COL5A1: variants seen among roughly 807,000 people sequenced by gnomAD.
COL5A1 encodes the protein collagen alpha-1(V) chain.
COL5A1 carries 16 observed loss-of-function variants against 263.7 expected under a neutral mutation model. The ratio of observed to expected loss-of-function variants is 0.06; its 90% CI spans 0.04 to 0.09. COL5A1 has a LOEUF of 0.09. Among genes scored for constraint, COL5A1 ranks in the 10% least tolerant of loss-of-function variants. COL5A1 has a pLI of 1.00. For missense variants in COL5A1, 2,036 were observed against 2,540.5 expected, an observed-to-expected ratio of 0.80 and a Z score of 4.27; for synonymous variants, 1,012 against 1,004.5, an observed-to-expected ratio of 1.01 and a Z score of -0.14.
At chr9:134,688,160 A>C (rs1291325053) in intron 1 of COL5A1, among the ~76,000 whole-genome samples, 1 of 152,202 alleles carries the variant, frequency 6.6e-6, no homozygotes, top group Non-Finnish European at 1.5e-5. Context: ...GTGGCCTCTT[A>C]AACTTGTTGC....
At chr9:134,759,081 G>A (rs1263320416) in intron 18 of COL5A1, among the ~76,000 whole-genome samples, 3 of 152,158 alleles carry the variant, frequency 2.0e-5, no homozygotes. Flanking sequence ...TGACATGAGG[G>A]CTCTTCACAG....
At chr9:134,840,080 C>A (rs1839973930) in intron 65 of COL5A1, among the ~76,000 whole-genome samples, 2 of 152,386 alleles carry the variant, frequency 1.3e-5, no homozygotes, top group South Asian at 4.1e-4. Flanking sequence ...CATGACCACG[C>A]CTATCAGAAT....
chr9:134,760,953 G>A (rs547412194), intron 18 of COL5A1, among the ~76,000 whole-genome samples: 8 of 127,460 alleles, frequency 6.3e-5, no homozygotes, highest in South Asian at 5.2e-4. Context: ...ATACACACCC[G>A]CCACACACAT....
intron 28 of COL5A1, among the ~76,000 whole-genome samples, chr9:134,781,371 C>A (rs550786074): frequency 6.6e-6 from 1 of 152,248 alleles, no homozygotes; most frequent in African/African-American, 2.4e-5. Context: ...TTTGGCCTCT[C>A]CAAGAGCACT....
At chr9:134,795,776 C>T (rs1588559130) in intron 34 of COL5A1, among the ~76,000 whole-genome samples, 1 of 152,252 alleles carries the variant, frequency 6.6e-6, no homozygotes, top group Admixed American at 6.5e-5. Flanking sequence ...GAAGCCACTC[C>T]TTGGGTGGAG....
chr9:134,790,828 G>A (rs918548124), intron 32 of COL5A1, among the ~76,000 whole-genome samples: 4 of 151,912 alleles, frequency 2.6e-5, no homozygotes, highest in South Asian at 2.1e-4. Context: ...GAGGTACCCC[G>A]GTGGGCTGCT....
At chr9:134,691,112 G>A in intron 2 of COL5A1, 33 bp downstream of exon 2, 5 of 1,610,538 alleles carry the variant, frequency 3.1e-6, no homozygotes, top group Non-Finnish European at 4.2e-6. Flanking sequence ...TGGGGCGGTG[G>A]GTCCCGTTGG....
chr9:134,648,210 C>T (rs1291291010), intron 1 of COL5A1, among the ~76,000 whole-genome samples: 1 of 151,766 alleles, frequency 6.6e-6, no homozygotes, highest in Non-Finnish European at 1.5e-5. Flanking sequence ...CTCGGACTTG[C>T]TCTCCTTGCT....
intron 24 of COL5A1, 79 bp downstream of exon 24, chr9:134,767,433 G>C (rs1220958013): frequency 1.3e-5 from 17 of 1,331,988 alleles, no homozygotes; most frequent in Non-Finnish European, 1.7e-5. Context: ...GAGGACCCCT[G>C]GTATCCACCA....
chr9:134,711,193 C>T (rs1304000612), intron 4 of COL5A1, among the ~76,000 whole-genome samples: 1 of 152,096 alleles, frequency 6.6e-6, no homozygotes, highest in African/African-American at 2.4e-5. Context: ...CCTGCAGAGT[C>T]AGCTCGGAGG....
At chr9:134,658,188 G>A (rs1313050259) in intron 1 of COL5A1, among the ~76,000 whole-genome samples, 3 of 152,032 alleles carry the variant, frequency 2.0e-5, no homozygotes, top group African/African-American at 7.3e-5. Flanking sequence ...GAGGACCAAT[G>A]TTCACCCTAC....
At chr9:134,816,137 C>T in intron 52 of COL5A1, 149 bp downstream of exon 52, 1 of 789,854 alleles carries the variant, frequency 1.3e-6, no homozygotes, top group Non-Finnish European at 2.2e-6. Context: ...TATTGATTCC[C>T]TTATGATGTT....
intron 14 of COL5A1, 71 bp downstream of exon 14, chr9:134,752,716 C>A: frequency 7.9e-7 from 1 of 1,262,470 alleles, no homozygotes; most frequent in Non-Finnish European, 1.2e-6. Context: ...CGTTGGCGGA[C>A]AGTGGCAGGT....
Position 134,738,470 on chromosome 9 carries a change from C to G in COL5A1, c.1390-4C>G. The G allele has an allele frequency of 6.2e-7, 1 of 1,614,040 alleles. No individual in the cohort carries two copies. The highest frequency in any genetic ancestry group is 1.3e-5 in the African/African-American group (1 of 75,062). ...TCTCAGACGCCCTCTCTCTGTCTCC[C>G]CAGGGCATGCTCATCGAGGGCCCGC... is the stretch of plus-strand genomic sequence containing the variant. On this transcript the variant is annotated splice_region_variant and splice_polypyrimidine_tract_variant and intron_variant, in intron 9 of 65. Coordinates refer to ENST00000371817, the MANE Select transcript of COL5A1 (RefSeq NM_000093.5).
At chr9:134,762,540 T>C (rs1836494300) in intron 19 of COL5A1, among the ~76,000 whole-genome samples, 1 of 152,232 alleles carries the variant, frequency 6.6e-6, no homozygotes, top group Non-Finnish European at 1.5e-5. Context: ...GCCGTCTTCA[T>C]GTGTGGAGGC....
intron 1 of COL5A1, 115 bp from the exon 2 acceptor site, chr9:134,690,797 G>A: frequency 1.5e-6 from 2 of 1,294,354 alleles, no homozygotes; most frequent in Non-Finnish European, 2.2e-6. Flanking sequence ...TCTTCTGAGT[G>A]CCCAGGATTC....
chr9:134,659,599 A>G (rs1156642739), intron 1 of COL5A1, among the ~76,000 whole-genome samples: 1 of 152,160 alleles, frequency 6.6e-6, no homozygotes, highest in Non-Finnish European at 1.5e-5. Flanking sequence ...AGAGAGGAGC[A>G]GGAGGAATGT....
intron 1 of COL5A1, among the ~76,000 whole-genome samples, chr9:134,671,215 C>T (rs771956957): frequency 5.9e-5 from 9 of 152,146 alleles, no homozygotes; most frequent in Non-Finnish European, 1.0e-4. Context: ...ACCTGGAGAG[C>T]CCCCAGCTGC....
In COL5A1 at chr9:134,829,964, C is replaced by G. The variant is rs1839532018; in HGVS notation, c.5068-12C>G. On this transcript the variant is annotated splice_polypyrimidine_tract_variant and intron_variant, in intron 63 of 65. Coordinates refer to ENST00000371817, the MANE Select transcript of COL5A1 (RefSeq NM_000093.5). ...GTTTCTCTCCCTCCCCACCTCCCCG[C>G]TGCATGTTTAGGCCAGAATCACTTC... 1 of 1,612,142 alleles carries G rather than the reference C, an allele frequency of 6.2e-7. No homozygotes were observed. The highest frequency in any genetic ancestry group is 1.7e-5 in the Admixed American group (1 of 59,876).
Sources: gnomAD v4.1 joint callset for allele counts (sites outside exome capture counted in the v4.1 genomes callset) on GRCh38, gnomAD v4.1.1 for gene constraint, MANE v1.5 for transcripts, NCBI Gene and HGNC (gene_info 2026-07-23, HGNC 2026-07-21) for gene names.